The following KIAA1958 variants were observed in gnomAD, a reference collection of about 807,000 sequenced individuals.
KIAA1958 encodes the protein KIAA1958, also known as uncharacterized protein KIAA1958.
KIAA1958 carries 14 observed loss-of-function variants against 47.2 expected under a neutral mutation model. That is an observed-to-expected ratio of 0.30 (90% CI 0.20 to 0.46). The LOEUF (loss-of-function observed/expected upper bound fraction) is 0.46, where lower values mean the gene tolerates loss of function less well. Ranked by LOEUF, KIAA1958 falls within the 20% of genes least tolerant of loss-of-function variation. The pLI, the probability that KIAA1958 is intolerant of heterozygous loss-of-function variation, is 1.00. For synonymous variants in KIAA1958, 354 were observed against 353.3 expected (o/e 1.00, Z -0.02); for missense variants, 803 against 909.2 (o/e 0.88, Z 1.50).
rs562284682 is a variant in KIAA1958 at position 112,555,453 on chromosome 9, G to A, written c.-24-18604G>A. On this transcript the variant is annotated intron_variant, in intron 1 of 3. Coordinates refer to ENST00000337530, the MANE Select transcript of KIAA1958 (RefSeq NM_133465.4). ...TTGATAAATGCCTCTTGGAAACCAA[G>A]TGCCTCAGCTCCTTTCTGCTGCTGT... 5.3e-5 allele frequency among the ~76,000 whole-genome samples: 8 copies of A among 152,296 alleles called. No individual in the cohort carries two copies. The East Asian group carries it at 1.5e-3, about 29-fold the overall frequency.
At chr9:112,498,224 A>T (rs62567822) in intron 1 of KIAA1958, among the ~76,000 whole-genome samples, 18,995 of 152,132 alleles carry the variant, frequency 0.12, 1,689 homozygotes, top group East Asian at 0.23. Flanking sequence ...TATCTCCTGG[A>T]GAAAACTTAA....
chr9:112,615,720 A>G (rs1836398293), intron 2 of KIAA1958, among the ~76,000 whole-genome samples: 1 of 152,178 alleles, frequency 6.6e-6, no homozygotes, highest in African/African-American at 2.4e-5. Context: ...AAATATGCAT[A>G]AGACAGGAAA....
intron 3 of KIAA1958, among the ~76,000 whole-genome samples, chr9:112,649,728 A>C (rs1837029233): frequency 6.6e-6 from 1 of 152,226 alleles, no homozygotes; most frequent in Non-Finnish European, 1.5e-5. Context: ...TATTGAAAGA[A>C]AAATACTTTC....
chr9:112,632,073 T>C (rs972767226), intron 2 of KIAA1958, among the ~76,000 whole-genome samples: 1 of 152,154 alleles, frequency 6.6e-6, no homozygotes, highest in African/African-American at 2.4e-5. Flanking sequence ...CAAAGTCCTA[T>C]TGATTTTTAT....
chr9:112,589,106 A>G (rs1257998455), intron 2 of KIAA1958, among the ~76,000 whole-genome samples: 1 of 152,150 alleles, frequency 6.6e-6, no homozygotes, highest in Admixed American at 6.5e-5. Flanking sequence ...AGAGATCCGC[A>G]ATGCTTGTTC....
chr9:112,506,671 A>C (rs971724018), intron 1 of KIAA1958, among the ~76,000 whole-genome samples: 1 of 151,274 alleles, frequency 6.6e-6, no homozygotes, highest in African/African-American at 2.4e-5. Flanking sequence ...TTAGTATTAA[A>C]ATTTCAGAAG....
At chr9:112,652,611 TG>T (rs1301900394) in intron 3 of KIAA1958, among the ~76,000 whole-genome samples, 2 of 152,118 alleles carry the variant, frequency 1.3e-5, no homozygotes, top group African/African-American at 2.4e-5. Context: ...TTTAACCCAT[TG>T]TTTTTTTTGT....
At chr9:112,546,230 C>T (rs1359809184) in intron 1 of KIAA1958, among the ~76,000 whole-genome samples, 4 of 152,074 alleles carry the variant, frequency 2.6e-5, no homozygotes, top group Admixed American at 6.5e-5. Flanking sequence ...AATTATAATA[C>T]ATTAGCATAC....
In KIAA1958 at chr9:112,535,532, G is replaced by A. The variant is rs78811029; in HGVS notation, c.-24-38525G>A. ...CCATGTCTTGGCTGTTGTGGATAAT[G>A]CTGCAGTGAACATGGGGGTGCAGTA... On this transcript the variant is annotated intron_variant, in intron 1 of 3. Coordinates refer to ENST00000337530, the MANE Select transcript of KIAA1958 (RefSeq NM_133465.4). Among the ~76,000 whole-genome samples, 105 of 152,170 alleles carry A rather than the reference G, an allele frequency of 6.9e-4. 1 individual carries two copies. In the East Asian group the frequency reaches 0.02, roughly 29 times the overall value.
intron 1 of KIAA1958, among the ~76,000 whole-genome samples, chr9:112,492,452 T>C (rs1209925263): frequency 6.6e-6 from 1 of 152,202 alleles, no homozygotes; most frequent in East Asian, 1.9e-4. Flanking sequence ...TACCAGGGTT[T>C]AGGATGTGAA....
intron 2 of KIAA1958, among the ~76,000 whole-genome samples, chr9:112,639,968 A>G (rs1347842056): frequency 6.6e-6 from 1 of 152,210 alleles, no homozygotes; most frequent in Admixed American, 6.5e-5. Flanking sequence ...CTGTCTTTTC[A>G]TTATTTTCTT....
rs527542258 is a variant in KIAA1958 at position 112,566,623 on chromosome 9, T to C, written c.-24-7434T>C. Among the ~76,000 whole-genome samples the C allele has an allele frequency of 5.6e-4, 86 of 152,326 alleles. 1 individual carries two copies. The highest frequency in any genetic ancestry group is 1.2e-3 in the Admixed American group (19 of 15,300). On this transcript the variant is annotated intron_variant, in intron 1 of 3. Coordinates refer to ENST00000337530, the MANE Select transcript of KIAA1958 (RefSeq NM_133465.4). Reference sequence around the variant, plus strand: ...ACCCTGCCTCAAAAAAATACTGTGCTGTAATGTATATGATTTTCTGTGAAC... The same window carrying C: ...ACCCTGCCTCAAAAAAATACTGTGCCGTAATGTATATGATTTTCTGTGAAC...
At chr9:112,604,949 AAT>A (rs1233253006) in intron 2 of KIAA1958, among the ~76,000 whole-genome samples, 10 of 147,386 alleles carry the variant, frequency 6.8e-5, no homozygotes, top group South Asian at 4.2e-4. Context: ...TATATATTTT[AAT>A]ATATGTTTAT....
At chr9:112,541,468 A>C (rs1834942092) in intron 1 of KIAA1958, among the ~76,000 whole-genome samples, 1 of 152,112 alleles carries the variant, frequency 6.6e-6, no homozygotes, top group African/African-American at 2.4e-5. Context: ...TCAGGCAAAA[A>C]CCCTGTTAGT....
At chr9:112,614,717 A>T (rs563136198) in intron 2 of KIAA1958, among the ~76,000 whole-genome samples, 1 of 152,330 alleles carries the variant, frequency 6.6e-6, no homozygotes, top group African/African-American at 2.4e-5. Context: ...TGCAGATGGA[A>T]TGGCTGTTTG....
intron 1 of KIAA1958, among the ~76,000 whole-genome samples, chr9:112,487,948 T>C (rs201798794): frequency 7.3e-6 from 1 of 136,560 alleles, no homozygotes; most frequent in Non-Finnish European, 1.5e-5. Context: ...TGTGTGTGCG[T>C]GTGTGTGTGT....
chr9:112,592,872 G>A (rs576687604), intron 2 of KIAA1958, among the ~76,000 whole-genome samples: 1 of 152,262 alleles, frequency 6.6e-6, no homozygotes, highest in South Asian at 2.1e-4. Context: ...AAGGAATGAG[G>A]TATGTCTATA....
rs202011636 is a variant in KIAA1958, at chr9:112,659,840, G to A, written c.1922G>A (p.Arg641Gln). 9 of 1,614,030 alleles carry A rather than the reference G, an allele frequency of 5.6e-6. No individual in the cohort carries two copies. Among genetic ancestry groups the A allele is most frequent in the African/African-American group, 1.3e-5 (1 of 75,002 alleles). Residue 641 changes from arginine (R) to glutamine (Q), a missense_variant, in exon 4 of 4, where the codon CGG becomes CAG. Coordinates refer to ENST00000337530, the MANE Select transcript of KIAA1958 (RefSeq NM_133465.4). ...CTCTACAAGTACATGTACATCCACC[G>A]GCCGCCCACCCAAATGGAGGCCAAG... Reference protein sequence around the residue: ...CLLYKYMYIHRPPTQMEAKSP... With the variant: ...CLLYKYMYIHQPPTQMEAKSP...
In KIAA1958 at chr9:112,659,937, G is replaced by T. The variant is rs370047868; in HGVS notation, c.2019G>T (p.Met673Ile). The change falls in exon 4 of 4, where the codon ATG (methionine) becomes ATT (isoleucine). Residue 673 changes from methionine (M) to isoleucine (I), a missense_variant. Met to Ile is a conservative substitution (Grantham distance 10, BLOSUM62 1). Coordinates refer to ENST00000337530, the MANE Select transcript of KIAA1958 (RefSeq NM_133465.4). ...GCGTGTGGTATGAGGAGCAGAGGAT[G>T]GGGCTGCGCTCTCTTCGGGGAATTG... Reference protein sequence around the residue: ...MGSVWYEEQRMGLRSLRGIVP... With the variant: ...MGSVWYEEQRIGLRSLRGIVP... 3 of 1,614,138 alleles carry T rather than the reference G, an allele frequency of 1.9e-6. No individual in the cohort carries two copies. The African/African-American group carries it at 4.0e-5, about 22-fold the overall frequency.
Sources: allele counts gnomAD v4.1 joint callset (sites outside exome capture counted in the v4.1 genomes callset), GRCh38; gene constraint gnomAD v4.1.1; transcripts MANE v1.5; gene names NCBI Gene and HGNC (gene_info 2026-07-23, HGNC 2026-07-21).